MGAT4B: variants seen among roughly 807,000 people sequenced by gnomAD.
The protein encoded by MGAT4B is N-acetylglucosaminyltransferase IVb.
In MGAT4B, 38 loss-of-function variants were observed where a neutral mutation model predicts 73.9. The ratio of observed to expected loss-of-function variants is 0.51; its 90% CI spans 0.40 to 0.67. The LOEUF (loss-of-function observed/expected upper bound fraction) is 0.67. Among genes scored for constraint, MGAT4B ranks in the 30% least tolerant of loss-of-function variants. MGAT4B has a pLI of 0.00. For missense variants in MGAT4B, 686 were observed against 735.2 expected (o/e 0.93, Z 0.77); for synonymous variants, 373 against 313.5 (o/e 1.19, Z -2.01).
Position 179,800,528 on chromosome 5 carries a change from G to A in MGAT4B, c.675C>T (p.Phe225=), listed in dbSNP as rs1006801447. 3 of 1,612,136 alleles carry A rather than the reference G, an allele frequency of 1.9e-6. No homozygotes were observed. Among genetic ancestry groups the A allele is most frequent in the Non-Finnish European group, 2.5e-6 (3 of 1,179,666 alleles). The part of the protein sequence containing the change: ...ISPSPHFYPD[F]SRLRESFGDP... ...CCCCAAAGGACTCTCGGAGGCGGGA[G>A]AAGTCAGGGTAGAAGTGGGGGGAGG... Residue 225 remains phenylalanine (F), a synonymous_variant, in exon 6 of 15, where the codon TTC becomes TTT. Transcript: ENST00000292591.
At chr5:179,804,921 A>G (rs1757079454) in intron 1 of MGAT4B, 1 of 152,200 alleles carries the variant, frequency 6.6e-6, no homozygotes, top group African/African-American at 2.4e-5. Flanking sequence ...AGGGAGGCCT[A>G]TGTCACCCCA....
chr5:179,800,407 C>T (rs1161447977), intron 6 of MGAT4B, 77 bp downstream of exon 6: 3 of 1,422,484 alleles, frequency 2.1e-6, no homozygotes, highest in African/African-American at 2.8e-5. Flanking sequence ...AGGGAAACAC[C>T]CTGGACTCAA....
chr5:179,798,463 G>T (rs750019683), intron 12 of MGAT4B, 29 bp from the exon 13 acceptor site: 1 of 1,613,110 alleles, frequency 6.2e-7, no homozygotes, highest in East Asian at 2.2e-5. Context: ...GCTGAGGCAG[G>T]TGGTCACAGG....
chr5:179,802,255 C>T, intron 1 of MGAT4B: 2 of 1,421,394 alleles, frequency 1.4e-6, no homozygotes, highest in South Asian at 3.1e-5. Context: ...GATTTCCAGA[C>T]CTAGGTAGGT....
At position 179,806,414 on chromosome 5, in the gene MGAT4B, G is replaced by GCCACCGCCGGGCCCGCTC. The variant is rs1379508619; in HGVS notation, c.97+55_97+72dup. On this transcript the variant is annotated intron_variant, in intron 1 of 14. Transcript: ENST00000292591. This position sits in a 1 kb window ranked among gnomAD's most constrained non-coding sequence, Gnocchi z 4.6. ...CGTCGGCTTCCGGCCGCCTTCCGCG[G>GCCACCGCCGGGCCCGCTC]CCACCGCCGGGCCCGCTCCCGCCGC... is the stretch of plus-strand genomic sequence containing the variant. 14 of 976,742 alleles carry GCCACCGCCGGGCCCGCTC rather than the reference G, an allele frequency of 1.4e-5. No individual in the cohort carries two copies. In the African/African-American group the frequency reaches 2.1e-4, roughly 15 times the overall value. 60.5% of individuals were successfully genotyped at this position (976,742 alleles called of 1,614,324 possible).
Position 179,801,962 on chromosome 5 carries a change from A to C in MGAT4B, c.105T>G (p.Val35=). 2 of 1,613,322 alleles carry C rather than the reference A, an allele frequency of 1.2e-6. No individual in the cohort carries two copies. Among genetic ancestry groups the C allele is most frequent in the Non-Finnish European group, 1.7e-6 (2 of 1,179,982 alleles). The change falls in exon 2 of 15, where the codon GTT becomes GTG. Residue 35 remains valine, a synonymous_variant. Coordinates refer to ENST00000292591, the MANE Select transcript of MGAT4B (RefSeq NM_014275.5). This position sits in a 1 kb window ranked among gnomAD's most constrained non-coding sequence, Gnocchi z 4.8. ...GGAACTCCCGCTGGTAAACGTCCACAACGTCGCCTGCAGGTGGTAGGCAAG... is the reference window on the plus strand; with the variant it reads ...GGAACTCCCGCTGGTAAACGTCCACCACGTCGCCTGCAGGTGGTAGGCAAG... ...YAALSGQKGD[V]VDVYQREFLA...
intron 1 of MGAT4B, chr5:179,803,300 G>A (rs1757023484): frequency 1.0e-6 from 1 of 983,078 alleles, no homozygotes; most frequent in Non-Finnish European, 1.2e-6. Context: ...CCTGGCGGGA[G>A]GGAAAGGGGA....
intron 1 of MGAT4B, chr5:179,802,825 C>A: frequency 1.0e-6 from 1 of 985,556 alleles, no homozygotes; most frequent in South Asian, 4.7e-5. Flanking sequence ...TCGGTGCCCA[C>A]AGTCCACGCA....
rs1325845924 is a variant in MGAT4B at position 179,803,091 on chromosome 5, C to T, written c.98-1122G>A. 15 of 985,378 alleles carry T rather than the reference C, an allele frequency of 1.5e-5. No homozygotes were observed. The South Asian group carries it at 1.9e-4, about 12-fold the overall frequency. The allele number at this position is 985,378 out of a possible 1,614,324, so 61.0% of individuals were successfully genotyped here. On this transcript the variant is annotated intron_variant, in intron 1 of 14. Coordinates refer to ENST00000292591, the MANE Select transcript of MGAT4B (RefSeq NM_014275.5). ...AGTCACCTCAGGGCACACCCCTTTCCGAAACGGGCAGGAGGTCGAAGTGCC... is the reference window on the plus strand; with the variant it reads ...AGTCACCTCAGGGCACACCCCTTTCTGAAACGGGCAGGAGGTCGAAGTGCC...
chr5:179,799,620 C>G lies in MGAT4B; in HGVS notation c.927G>C (p.Ser309=), dbSNP rs764604962. The change falls in exon 9 of 15, where the codon TCG becomes TCC. Residue 309 remains serine, a synonymous_variant. Coordinates refer to ENST00000292591, the MANE Select transcript of MGAT4B (RefSeq NM_014275.5). ...ACTCTACAATCAGGCTCAGGTCCAG[C>G]GACTTGAACATCTTACCTGGTGGGG... ...QLGFIGKMFK[S]LDLSLIVEFI... is the part of the protein sequence containing the mutation. 17 of 1,613,630 alleles carry G rather than the reference C, an allele frequency of 1.1e-5. No homozygotes were observed. The highest frequency in any genetic ancestry group is 1.4e-5 in the Non-Finnish European group (17 of 1,180,030).
chr5:179,802,335 C>G, intron 1 of MGAT4B: 1 of 1,348,568 alleles, frequency 7.4e-7, no homozygotes, highest in Non-Finnish European at 9.5e-7. Flanking sequence ...AAAGCCCACT[C>G]TTGCTTTTTG....
rs764634468 is a variant in MGAT4B at position 179,806,473 on chromosome 5, G to A, written c.97+14C>T. 11 of 1,274,512 alleles carry A rather than the reference G, an allele frequency of 8.6e-6. No individual in the cohort carries two copies. In the African/African-American group the frequency reaches 1.7e-4, roughly 20 times the overall value. The allele number at this position is 1,274,512 out of a possible 1,614,324, so 79.0% of individuals were successfully genotyped here. On this transcript the variant is annotated intron_variant, in intron 1 of 14. Transcript: ENST00000292591. This position sits in a 1 kb window ranked among gnomAD's most constrained non-coding sequence, Gnocchi z 4.6. The stretch of plus-strand genomic sequence containing the variant: ...AGGTGCGCCAGGTGCGGGCCGGGCG[G>A]GGGTCGCGCTCACCTTTCTGGCCGC...
intron 1 of MGAT4B, 65 bp from the exon 2 acceptor site, chr5:179,802,034 G>A (rs1370584584): frequency 3.7e-6 from 6 of 1,611,912 alleles, no homozygotes; most frequent in Non-Finnish European, 4.2e-6. Context: ...CCCCTCCAGT[G>A]TGCCAGCGCA....
Position 179,801,503 on chromosome 5 carries a change from C to G in MGAT4B, c.425-36G>C, listed in dbSNP as rs375546132. On this transcript the variant is annotated intron_variant, in intron 3 of 14. Transcript: ENST00000292591. This position sits in a 1 kb window ranked among gnomAD's most constrained non-coding sequence, Gnocchi z 4.8. ...CGGAGGCCCGACGCTGGAAAGGGTG[C>G]GGGGGCCACCCGTCCCCCCACCCCG... 1 of 1,602,544 alleles carries G rather than the reference C, an allele frequency of 6.2e-7. No homozygotes were observed. Among genetic ancestry groups the G allele is most frequent in the East Asian group, 2.2e-5 (1 of 44,540 alleles).
In MGAT4B at chr5:179,797,856, C is replaced by A. The variant is rs780122454; in HGVS notation, c.*189G>T. 3 of 764,602 alleles carry A rather than the reference C, an allele frequency of 3.9e-6. No homozygotes were observed. Among genetic ancestry groups the A allele is most frequent in the Non-Finnish European group, 2.0e-6 (1 of 496,442 alleles). 47.4% of individuals were successfully genotyped at this position (764,602 alleles called of 1,614,324 possible). On this transcript the variant is annotated 3_prime_UTR_variant, in exon 15 of 15. Coordinates refer to ENST00000292591, the MANE Select transcript of MGAT4B (RefSeq NM_014275.5). ...GGGGCCGCCTGCCTCCTCCGCGGCC[C>A]GGCGGGCGGGGGCAGCACCAGCTCC... is the stretch of plus-strand genomic sequence containing the variant.
rs1756760299 is a variant in MGAT4B, at chr5:179,798,585, G to A, written c.1350C>T (p.Phe450=). ...FFQPLRLERF[F]FRSGNIEHPE... is the part of the protein sequence containing the mutation. ...GGTGCTCGATGTTCCCACTGCGGAA[G>A]AAGAACCTGCAGCCAGGCAGGCCTG... Residue 450 remains phenylalanine (F), a synonymous_variant, in exon 12 of 15, where the codon TTC becomes TTT. Transcript: ENST00000292591. The A allele has an allele frequency of 6.2e-7, 1 of 1,613,434 alleles. No individual in the cohort carries two copies. Among genetic ancestry groups the A allele is most frequent in the Non-Finnish European group, 8.5e-7 (1 of 1,180,014 alleles).
intron 1 of MGAT4B, chr5:179,802,474 C>T (rs1451203966): frequency 3.2e-5 from 33 of 1,036,610 alleles, no homozygotes; most frequent in Non-Finnish European, 3.8e-5. Flanking sequence ...CGGGGGGTGG[C>T]TGCTGCAGTT....
Position 179,806,661 on chromosome 5 carries a change from GA to G in MGAT4B, c.-79del. 1.4e-6 allele frequency: 1 copy of G among 740,388 alleles called. No homozygotes were observed. The highest frequency in any genetic ancestry group is 1.7e-6 in the Non-Finnish European group (1 of 604,562). 45.9% of individuals were successfully genotyped at this position (740,388 alleles called of 1,614,324 possible). On this transcript the variant is annotated 5_prime_UTR_variant, in exon 1 of 15. Coordinates refer to ENST00000292591, the MANE Select transcript of MGAT4B (RefSeq NM_014275.5). This position sits in a 1 kb window ranked among gnomAD's most constrained non-coding sequence, Gnocchi z 4.6. ...GACCGGGGCCGGGGCGCAGGGGTCG[GA>G]AGGCGGCGGCGGCGGCGGCAGGGGC...
rs777423652 is a variant in MGAT4B, at chr5:179,801,961, C to T, written c.106G>A (p.Val36Met). 3 of 1,613,426 alleles carry T rather than the reference C, an allele frequency of 1.9e-6. No individual in the cohort carries two copies. In the South Asian group the frequency reaches 3.3e-5, roughly 18 times the overall value. The change falls in exon 2 of 15, where the codon GTG (valine) becomes ATG (methionine). Residue 36 changes from valine (V) to methionine (M), a missense_variant. By Grantham distance (21) the Val-to-Met change is conservative (BLOSUM62 1). Transcript: ENST00000292591. This position sits in a 1 kb window ranked among gnomAD's most constrained non-coding sequence, Gnocchi z 4.8. ...AALSGQKGDV[V>M]DVYQREFLAL... Reference sequence around the variant, plus strand: ...AGGAACTCCCGCTGGTAAACGTCCACAACGTCGCCTGCAGGTGGTAGGCAA... The same window carrying T: ...AGGAACTCCCGCTGGTAAACGTCCATAACGTCGCCTGCAGGTGGTAGGCAA...
Sources: allele counts gnomAD v4.1 joint callset, GRCh38; gene constraint gnomAD v4.1.1; non-coding constraint Gnocchi (gnomAD v3.1); transcripts MANE v1.5; gene names NCBI Gene and HGNC (gene_info 2026-07-23, HGNC 2026-07-21).